Variants in JPH3 observed in about 807,000 individuals in gnomAD.
JPH3 encodes the protein junctophilin-3.
JPH3 carries 11 observed loss-of-function variants against 59.6 expected under a neutral mutation model. That is an observed-to-expected ratio of 0.18 (90% CI 0.12 to 0.31). The LOEUF is 0.31. Among genes scored for constraint, JPH3 ranks in the 10% least tolerant of loss-of-function variants. The probability of loss-of-function intolerance (pLI) is 1.00; values close to 1 mark genes in which losing one functional copy is unlikely to be tolerated. For synonymous variants in JPH3, 673 were observed against 483.6 expected (o/e 1.39, Z -5.14); for missense variants, 1,202 against 1,105.7 (o/e 1.09, Z -1.24).
chr16:87,653,110 C>G (rs1224142198), intron 2 of JPH3, among the ~76,000 whole-genome samples: 1 of 152,192 alleles, frequency 6.6e-6, no homozygotes, highest in East Asian at 1.9e-4. Flanking sequence ...TGCTCTCAGT[C>G]CTGTTCCTCC....
intron 2 of JPH3, among the ~76,000 whole-genome samples, chr16:87,649,038 T>A (rs568497044): frequency 1.3e-3 from 197 of 151,920 alleles, no homozygotes; most frequent in African/African-American, 4.5e-3. Flanking sequence ...GGAGGCAGAG[T>A]CCAGCCCAGC....
At chr16:87,620,967 G>C (rs1028919405) in intron 1 of JPH3, among the ~76,000 whole-genome samples, 1 of 152,186 alleles carries the variant, frequency 6.6e-6, no homozygotes, top group East Asian at 1.9e-4. Flanking sequence ...AGACCAGCTT[G>C]GCCAACATGG....
chr16:87,628,103 TG>T (rs2031443346), intron 1 of JPH3, among the ~76,000 whole-genome samples: 1 of 152,202 alleles, frequency 6.6e-6, no homozygotes, highest in African/African-American at 2.4e-5. Flanking sequence ...GGGAGGAAGC[TG>T]GGGTTAAGGG....
chr16:87,602,495 C>T (rs993359662), upstream of JPH3, among the ~76,000 whole-genome samples: 1 of 136,582 alleles, frequency 7.3e-6, no homozygotes, highest in Admixed American at 7.1e-5. Context: ...TGCGGGCGCG[C>T]GCCGCGCGGC....
chr16:87,626,834 G>A (rs986677013), intron 1 of JPH3, among the ~76,000 whole-genome samples: 93 of 152,148 alleles, frequency 6.1e-4, no homozygotes, highest in African/African-American at 2.2e-3. Flanking sequence ...CAAGAGTGTT[G>A]GTCCTAAAAG....
Position 87,658,355 on chromosome 16 carries a change from T to C in JPH3, c.1160+13320T>C, listed in dbSNP as rs149005898. ...TTCTCTGTTTCCCTCTCTCTCTCCT[T>C]CTCCCCGCTTCTCCCCCTCTCTTTT... On this transcript the variant is annotated intron_variant, in intron 2 of 4. Coordinates refer to ENST00000284262, the MANE Select transcript of JPH3 (RefSeq NM_020655.4). Among the ~76,000 whole-genome samples, 588 of 151,880 alleles carry C rather than the reference T, an allele frequency of 3.9e-3. 7 individuals are homozygous for C. The highest frequency in any genetic ancestry group is 6.8e-3 in the Middle Eastern group (2 of 292).
At chr16:87,659,113 C>A (rs139903979) in intron 2 of JPH3, among the ~76,000 whole-genome samples, 2,137 of 152,272 alleles carry the variant, frequency 0.014, 30 homozygotes, top group Non-Finnish European at 0.019. Flanking sequence ...GTGGCTCATG[C>A]TTGTAATCTC....
rs576171948 is a variant in JPH3 at position 87,668,032 on chromosome 16, G to C, written c.1161-16110G>C. ...CTTCAGAAACTTATCTTCTGGCTTC[G>C]TCGATCTGGCTGGTTTGCCCTGGGG... On this transcript the variant is annotated intron_variant, in intron 2 of 4. Transcript: ENST00000284262. Among the ~76,000 whole-genome samples the C allele has an allele frequency of 7.2e-5, 11 of 152,292 alleles. No individual in the cohort carries two copies. In the East Asian group the frequency reaches 2.1e-3, roughly 29 times the overall value.
intron 2 of JPH3, among the ~76,000 whole-genome samples, chr16:87,651,746 A>G (rs913428517): frequency 1.2e-4 from 18 of 152,248 alleles, no homozygotes; most frequent in African/African-American, 4.1e-4. Context: ...GTTTCTTGCG[A>G]TGGAATCTAC....
intron 3 of JPH3, 70 bp from the exon 4 acceptor site, chr16:87,689,576 C>T (rs1214730874): frequency 1.1e-5 from 17 of 1,521,218 alleles, no homozygotes; most frequent in Non-Finnish European, 1.4e-5. Context: ...CGCCCTGGCC[C>T]GGGGACCGCG....
Position 87,644,815 on chromosome 16 carries a change from G to C in JPH3, c.940G>C (p.Glu314Gln). Residue 314 changes from glutamate (E) to glutamine (Q), a missense_variant, in exon 2 of 5, where the codon GAG (glutamate) becomes CAG (glutamine). Coordinates refer to ENST00000284262, the MANE Select transcript of JPH3 (RefSeq NM_020655.4). ...CTCGGACGGGCTCAAGTACGAGGGCGAGTGGGCCAGCAACCGGCGCCATGG... is the reference window on the plus strand; with the variant it reads ...CTCGGACGGGCTCAAGTACGAGGGCCAGTGGGCCAGCAACCGGCGCCATGG... The part of the protein sequence containing the change: ...QRSDGLKYEG[E>Q]WASNRRHGYG... 6.2e-7 allele frequency: 1 copy of C among 1,613,364 alleles called. No individual in the cohort carries two copies. Among genetic ancestry groups the C allele is most frequent in the South Asian group, 1.1e-5 (1 of 91,056 alleles).
intron 1 of JPH3, among the ~76,000 whole-genome samples, chr16:87,627,476 G>A (rs2150833028): frequency 6.6e-6 from 1 of 152,340 alleles, no homozygotes; most frequent in Non-Finnish European, 1.5e-5. Context: ...CGTGCCCAGT[G>A]TTGTCTAACA....
intron 1 of JPH3, among the ~76,000 whole-genome samples, chr16:87,625,823 C>T (rs115320644): frequency 0.034 from 5,129 of 152,076 alleles, 293 homozygotes; most frequent in African/African-American, 0.12. Context: ...ACGGGAGAAC[C>T]GCAGCGGCTT....
chr16:87,662,054 T>G (rs371429258), intron 2 of JPH3, among the ~76,000 whole-genome samples: 8 of 152,368 alleles, frequency 5.3e-5, no homozygotes, highest in African/African-American at 1.9e-4. Context: ...ATTTAACATT[T>G]CAAAATACTT....
At position 87,679,699 on chromosome 16, in the gene JPH3, T is replaced by C. The variant is rs191759358; in HGVS notation, c.1161-4443T>C. Reference sequence around the variant, plus strand: ...TGCACGTGTGGGTCTGGGCTGGGTGTTGACCTGCTCCTGGGCCAGGGCCCA... The same window carrying C: ...TGCACGTGTGGGTCTGGGCTGGGTGCTGACCTGCTCCTGGGCCAGGGCCCA... On this transcript the variant is annotated intron_variant, in intron 2 of 4. Coordinates refer to ENST00000284262, the MANE Select transcript of JPH3 (RefSeq NM_020655.4). Among the ~76,000 whole-genome samples the C allele has an allele frequency of 1.3e-3, 198 of 152,316 alleles. 2 individuals are homozygous for C. Among genetic ancestry groups the C allele is most frequent in the African/African-American group, 4.4e-3 (184 of 41,584 alleles).
At chr16:87,670,025 C>T (rs989697341) in intron 2 of JPH3, among the ~76,000 whole-genome samples, 6 of 152,162 alleles carry the variant, frequency 3.9e-5, no homozygotes, top group Non-Finnish European at 5.9e-5. Flanking sequence ...GCTCTGCCTT[C>T]ATCCTTCCAT....
At chr16:87,674,315 A>G (rs1371779181) in intron 2 of JPH3, among the ~76,000 whole-genome samples, 3 of 151,620 alleles carry the variant, frequency 2.0e-5, no homozygotes, top group Non-Finnish European at 4.4e-5. Flanking sequence ...CCTGGACGAC[A>G]GAGCGAGACT....
At chr16:87,657,044 A>G (rs929510809) in intron 2 of JPH3, among the ~76,000 whole-genome samples, 2 of 152,106 alleles carry the variant, frequency 1.3e-5, no homozygotes, top group Non-Finnish European at 2.9e-5. Flanking sequence ...TAAAGGCCCT[A>G]TCTCCACATA....
chr16:87,622,287 A>G (rs2031213524), intron 1 of JPH3, among the ~76,000 whole-genome samples: 1 of 152,140 alleles, frequency 6.6e-6, no homozygotes, highest in Non-Finnish European at 1.5e-5. Flanking sequence ...AAGCCCAGCC[A>G]TTTCCTCCTC....
Sources: allele counts gnomAD v4.1 joint callset (sites outside exome capture counted in the v4.1 genomes callset), GRCh38; gene constraint gnomAD v4.1.1; transcripts MANE v1.5; gene names NCBI Gene and HGNC (gene_info 2026-07-23, HGNC 2026-07-21).